The following BANP variants were observed in gnomAD, a reference collection of about 807,000 sequenced individuals.
BANP encodes protein BANP.
BANP carries 11 observed loss-of-function variants against 68.1 expected under a neutral mutation model. The observed-to-expected ratio is 0.16, with a 90% CI of 0.10 to 0.27. The LOEUF (loss-of-function observed/expected upper bound fraction) is 0.27, where lower values mean the gene tolerates loss of function less well. BANP is among the 10% of genes least tolerant of loss of function. BANP has a pLI of 1.00. For synonymous variants in BANP, 329 were observed against 303.2 expected (o/e 1.09, Z -0.88); for missense variants, 504 against 722.7 (o/e 0.70, Z 3.47).
At position 88,042,597 on chromosome 16, in the gene BANP, A is replaced by G. The variant is rs532329331; in HGVS notation, c.1311+4586A>G. On this transcript the variant is annotated intron_variant, in intron 11 of 13. Transcript: ENST00000682872. Reference sequence around the variant, plus strand: ...AAGAGAAGGTGAAGGGCTTCCTTAGAACACTGACATTGAAATTGCAGCTGA... The same window carrying G: ...AAGAGAAGGTGAAGGGCTTCCTTAGGACACTGACATTGAAATTGCAGCTGA... Among the ~76,000 whole-genome samples the G allele has an allele frequency of 1.8e-3, 276 of 152,354 alleles. 1 individual carries two copies. The highest frequency in any genetic ancestry group is 6.4e-3 in the African/African-American group (266 of 41,578).
At position 88,002,598 on chromosome 16, in the gene BANP, G is replaced by A. The variant is rs2152551219; in HGVS notation, c.363-1697G>A. On this transcript the variant is annotated intron_variant, in intron 4 of 13. Transcript: ENST00000682872. The surrounding 1 kb of genome is among the most constrained non-coding windows in gnomAD (Gnocchi z 4.6). Reference sequence around the variant, plus strand: ...GTGGGGATCTGGAGACTGCGTTGCTGAGAGCTGTTTGCATCCATGAGCCCC... The same window carrying A: ...GTGGGGATCTGGAGACTGCGTTGCTAAGAGCTGTTTGCATCCATGAGCCCC... 6.6e-6 allele frequency among the ~76,000 whole-genome samples: 1 copy of A among 152,284 alleles called. No individual in the cohort carries two copies. The highest frequency in any genetic ancestry group is 1.9e-4 in the East Asian group (1 of 5,180).
intron 3 of BANP, among the ~76,000 whole-genome samples, chr16:87,983,213 T>C (rs1408478447): frequency 1.3e-5 from 2 of 151,940 alleles, no homozygotes; most frequent in Non-Finnish European, 2.9e-5. Flanking sequence ...CCTTCCTGAG[T>C]ACTAAGCAGG....
chr16:88,056,457 CTCTCTT>C (rs1321348380), intron 11 of BANP, among the ~76,000 whole-genome samples: 22 of 138,508 alleles, frequency 1.6e-4, no homozygotes, highest in South Asian at 2.1e-4. Context: ...AGCGTATTCT[CTCTCTT>C]TTTTTTTTTT....
chr16:88,044,079 T>C (rs893769415), intron 11 of BANP, among the ~76,000 whole-genome samples: 9 of 152,250 alleles, frequency 5.9e-5, no homozygotes, highest in African/African-American at 2.2e-4. Context: ...TACCCGCATC[T>C]TGGTGCAGCT....
upstream of BANP, chr16:87,950,353 T>C (rs990205225): frequency 2.0e-5 from 3 of 152,122 alleles, no homozygotes; most frequent in African/African-American, 7.2e-5. Flanking sequence ...TTCTGGGAAC[T>C]GCGCTATGGT....
At chr16:88,026,985 G>A (rs960736111) in intron 7 of BANP, among the ~76,000 whole-genome samples, 1 of 152,262 alleles carries the variant, frequency 6.6e-6, no homozygotes, top group African/African-American at 2.4e-5. Flanking sequence ...GTTATCCAGG[G>A]GGATGGTGAA....
At chr16:88,045,433 G>A (rs2081784521) in intron 11 of BANP, among the ~76,000 whole-genome samples, 1 of 152,240 alleles carries the variant, frequency 6.6e-6, no homozygotes, top group African/African-American at 2.4e-5. Flanking sequence ...TTGCAGCTGG[G>A]CTGTGCTAAG....
chr16:88,004,335 C>T lies in BANP; in HGVS notation c.403C>T (p.Gln135Ter). The change falls in exon 5 of 14, where the codon CAG (glutamine) becomes TAG (stop). Residue 135 changes from glutamine (Q) to a stop codon, truncating the protein, a stop_gained. Coordinates refer to ENST00000682872, the MANE Select transcript of BANP (RefSeq NM_001386991.1). LOFTEE classifies it high-confidence loss of function. This position sits in a 1 kb window ranked among gnomAD's most constrained non-coding sequence, Gnocchi z 7.0. ...QTTVILNNDR[Q>*]NAIVAKMEDP... ...TACAGTAATACTCAACAATGATCGG[C>T]AGAACGCCATTGTAGCCAAGATGGA... 5 of 1,550,312 alleles carry T rather than the reference C, an allele frequency of 3.2e-6. No homozygotes were observed. Among genetic ancestry groups the T allele is most frequent in the Non-Finnish European group, 4.4e-6 (5 of 1,146,344 alleles).
At chr16:87,965,480 C>T (rs1205700081) in intron 1 of BANP, among the ~76,000 whole-genome samples, 2 of 151,896 alleles carry the variant, frequency 1.3e-5, no homozygotes, top group Admixed American at 6.6e-5. Context: ...GGGGTGCTGA[C>T]TGGGTGTGGG....
intron 13 of BANP, among the ~76,000 whole-genome samples, chr16:88,073,085 G>A (rs550019089): frequency 6.0e-4 from 91 of 152,288 alleles, no homozygotes; most frequent in Admixed American, 2.7e-3. Flanking sequence ...CCTGCTCCCC[G>A]GGCACTGCTG....
chr16:88,014,355 G>T (rs932192833), intron 6 of BANP, among the ~76,000 whole-genome samples: 1 of 151,996 alleles, frequency 6.6e-6, no homozygotes, highest in Admixed American at 6.5e-5. Flanking sequence ...ACACTGCCTT[G>T]AGGTGGAGCC....
At chr16:88,049,502 C>T (rs984376505) in intron 11 of BANP, among the ~76,000 whole-genome samples, 10 of 152,078 alleles carry the variant, frequency 6.6e-5, no homozygotes, top group Admixed American at 5.9e-4. Context: ...CATTCCTTCC[C>T]CAGGGTCTAG....
At chr16:88,069,246 T>C (rs1567936324) in intron 12 of BANP, among the ~76,000 whole-genome samples, 1 of 152,242 alleles carries the variant, frequency 6.6e-6, no homozygotes, top group African/African-American at 2.4e-5. Context: ...GTTTATTTCA[T>C]GTCAGCAAAA....
intron 11 of BANP, among the ~76,000 whole-genome samples, chr16:88,049,632 G>T (rs2082790220): frequency 6.6e-6 from 1 of 152,200 alleles, no homozygotes; most frequent in Non-Finnish European, 1.5e-5. Context: ...CATAACAAGA[G>T]ACGAACCAGG....
chr16:87,951,106 C>A (rs1057030009), upstream of BANP, among the ~76,000 whole-genome samples: 2 of 152,344 alleles, frequency 1.3e-5, no homozygotes, highest in African/African-American at 4.8e-5. Context: ...TTGCGCAGGG[C>A]ACCCTGGGAG....
chr16:87,952,622 G>A (rs1054919313), intron 1 of BANP: 1 of 152,170 alleles, frequency 6.6e-6, no homozygotes, highest in Non-Finnish European at 1.5e-5. Flanking sequence ...ATAAAAACTG[G>A]ATCTGGTCAT....
intron 11 of BANP, among the ~76,000 whole-genome samples, chr16:88,060,279 C>T (rs2086364784): frequency 6.6e-6 from 1 of 152,184 alleles, no homozygotes; most frequent in Admixed American, 6.5e-5. Context: ...GACGAGGGGT[C>T]TCTCTGGGTC....
At chr16:87,987,599 C>T (rs936828476) in intron 4 of BANP, among the ~76,000 whole-genome samples, 1 of 149,852 alleles carries the variant, frequency 6.7e-6, no homozygotes, top group African/African-American at 2.5e-5. Flanking sequence ...CAGTGGCACC[C>T]GCCTGTAATC....
intron 11 of BANP, 77 bp from the exon 12 acceptor site, chr16:88,065,190 C>T (rs1452305076): frequency 1.9e-5 from 12 of 642,530 alleles, no homozygotes; most frequent in Non-Finnish European, 3.1e-5. Context: ...CATCCTGGGT[C>T]TCAGTGGGCT....
Sources: allele counts gnomAD v4.1 joint callset (sites outside exome capture counted in the v4.1 genomes callset), GRCh38; gene constraint gnomAD v4.1.1; non-coding constraint Gnocchi (gnomAD v3.1); transcripts MANE v1.5; gene names NCBI Gene and HGNC (gene_info 2026-07-23, HGNC 2026-07-21).